The following ARB2A variants were observed in gnomAD, a reference collection of about 807,000 sequenced individuals.
ARB2A encodes the protein ARB2 cotranscriptional regulator A.
At chr5:94,001,242 T>A in the ARB2A span, among the ~76,000 whole-genome samples, 1 of 152,110 alleles carries the variant, frequency 6.6e-6, no homozygotes, top group South Asian at 2.1e-4. Context: ...TGGGAAGAAC[T>A]GACATCATGA....
chr5:94,079,965 G>A, the ARB2A span, among the ~76,000 whole-genome samples: 73 of 152,034 alleles, frequency 4.8e-4, 2 homozygotes, highest in Admixed American at 3.1e-3. Context: ...TCAACAAGAC[G>A]GGAATATAAA....
the ARB2A span, among the ~76,000 whole-genome samples, chr5:93,800,764 G>A: frequency 6.6e-6 from 1 of 152,072 alleles, no homozygotes; most frequent in East Asian, 1.9e-4. Flanking sequence ...TATAATTATC[G>A]ATTGAAAATG....
At chr5:93,871,519 T>G in the ARB2A span, among the ~76,000 whole-genome samples, 2 of 152,220 alleles carry the variant, frequency 1.3e-5, no homozygotes, top group Non-Finnish European at 1.5e-5. Context: ...AGACCTTTCT[T>G]TTACAATTGC....
the ARB2A span, among the ~76,000 whole-genome samples, chr5:93,693,854 T>C: frequency 6.6e-6 from 1 of 152,168 alleles, no homozygotes; most frequent in Non-Finnish European, 1.5e-5. Context: ...CGATGTAGTC[T>C]GCTTCATCCC....
At chr5:93,952,365 C>T in the ARB2A span, among the ~76,000 whole-genome samples, 2 of 152,148 alleles carry the variant, frequency 1.3e-5, no homozygotes, top group Non-Finnish European at 2.9e-5. Flanking sequence ...GATAAAATCA[C>T]TCAGCTTTTG....
chr5:94,100,055 A>G, the ARB2A span, among the ~76,000 whole-genome samples: 3 of 152,308 alleles, frequency 2.0e-5, no homozygotes, highest in African/African-American at 7.2e-5. Context: ...TCTGAGCCCA[A>G]AAGCTCCTTC....
chr5:93,960,909 A>T, the ARB2A span, among the ~76,000 whole-genome samples: 1 of 152,202 alleles, frequency 6.6e-6, no homozygotes, highest in Non-Finnish European at 1.5e-5. Flanking sequence ...TGATGACAAT[A>T]AATATGACTA....
the ARB2A span, chr5:94,056,021 C>T: frequency 1.5e-6 from 1 of 678,838 alleles, no homozygotes; most frequent in Non-Finnish European, 1.8e-6. Context: ...ATCATATTCA[C>T]TGTCTTTCAG....
chr5:93,766,239 G>C, the ARB2A span, among the ~76,000 whole-genome samples: 1 of 152,210 alleles, frequency 6.6e-6, no homozygotes, highest in East Asian at 1.9e-4. Flanking sequence ...ACTACCATCA[G>C]AGTCAACAGG....
the ARB2A span, among the ~76,000 whole-genome samples, chr5:93,979,731 C>T: frequency 2.6e-5 from 4 of 152,072 alleles, no homozygotes; most frequent in South Asian, 2.1e-4. Context: ...CATTTTATCC[C>T]GTACCTTTTA....
the ARB2A span, among the ~76,000 whole-genome samples, chr5:94,094,157 T>C: frequency 6.6e-6 from 1 of 152,208 alleles, no homozygotes; most frequent in African/African-American, 2.4e-5. Flanking sequence ...CAGGCTGCCA[T>C]AACAAAACTG....
At chr5:93,644,606 A>T in the ARB2A span, among the ~76,000 whole-genome samples, 1 of 152,202 alleles carries the variant, frequency 6.6e-6, no homozygotes, top group Non-Finnish European at 1.5e-5. Flanking sequence ...AAAAAACAGA[A>T]TATAAAGTAT....
At chr5:93,956,097 A>G in the ARB2A span, among the ~76,000 whole-genome samples, 2 of 152,260 alleles carry the variant, frequency 1.3e-5, no homozygotes, top group South Asian at 4.1e-4. Flanking sequence ...AGCGATGGCA[A>G]CCTCAGAAGC....
At chr5:93,733,727 T>C in the ARB2A span, 1 of 152,206 alleles carries the variant, frequency 6.6e-6, no homozygotes, top group South Asian at 2.1e-4. Context: ...GAAATTTCCT[T>C]AACTATCTTC....
At chr5:93,661,996 T>A in the ARB2A span, among the ~76,000 whole-genome samples, 34,178 of 152,004 alleles carry the variant, frequency 0.22, 5,159 homozygotes, top group African/African-American at 0.42. Context: ...CTTCTAGAGA[T>A]ATACCATATG....
At chr5:93,760,954 G>A in the ARB2A span, among the ~76,000 whole-genome samples, 10 of 152,334 alleles carry the variant, frequency 6.6e-5, no homozygotes, top group Admixed American at 5.9e-4. Flanking sequence ...AGTCAGCAGA[G>A]TAAACAGACA....
chr5:93,782,176 T>C, the ARB2A span, among the ~76,000 whole-genome samples: 1 of 152,206 alleles, frequency 6.6e-6, no homozygotes, highest in African/African-American at 2.4e-5. Flanking sequence ...CAAAGCTCCA[T>C]CAGGCATGAT....
the ARB2A span, among the ~76,000 whole-genome samples, chr5:93,716,978 AT>A: frequency 2.6e-4 from 40 of 151,354 alleles, 1 homozygote; most frequent in South Asian, 3.5e-3. Flanking sequence ...TCAGAGGCAT[AT>A]TTTTTTTTCT....
the ARB2A span, among the ~76,000 whole-genome samples, chr5:93,715,135 GA>G: frequency 1.3e-5 from 2 of 151,890 alleles, no homozygotes; most frequent in Non-Finnish European, 2.9e-5. Flanking sequence ...CTACTTTTGT[GA>G]AAAAAATCTA....
Sources: gnomAD v4.1 joint callset for allele counts (sites outside exome capture counted in the v4.1 genomes callset) on GRCh38, gnomAD v4.1.1 for gene constraint, MANE v1.5 for transcripts, NCBI Gene and HGNC (gene_info 2026-07-23, HGNC 2026-07-21) for gene names.